Variants in GARIN2 observed in about 807,000 individuals in gnomAD.
The protein encoded by GARIN2 is Golgi-associated RAB2 interactor protein 2.
At chr14:67,199,017 A>G in the GARIN2 span, 1 of 712,184 alleles carries the variant, frequency 1.4e-6, no homozygotes, top group East Asian at 2.7e-5. Flanking sequence ...GGAGGACAAC[A>G]GACACTTCAA....
the GARIN2 span, among the ~76,000 whole-genome samples, chr14:67,207,582 G>A: frequency 6.6e-6 from 1 of 152,086 alleles, no homozygotes; most frequent in Non-Finnish European, 1.5e-5. Context: ...AGGGGCAGTG[G>A]AAAGAAGAAG....
chr14:67,201,492 A>G, the GARIN2 span: 1 of 456,024 alleles, frequency 2.2e-6, no homozygotes, highest in African/African-American at 2.0e-5. Context: ...AGTAGAAGAT[A>G]TTCATCTCAT....
the GARIN2 span, chr14:67,196,984 A>G: frequency 6.6e-6 from 1 of 152,014 alleles, no homozygotes; most frequent in Non-Finnish European, 1.5e-5. Flanking sequence ...GCTGGAGTGC[A>G]GTGACAAGAT....
At chr14:67,191,631 C>T in the GARIN2 span, among the ~76,000 whole-genome samples, 1 of 152,172 alleles carries the variant, frequency 6.6e-6, no homozygotes. Flanking sequence ...ATCCCATATC[C>T]GTATCTAAGA....
chr14:67,213,420 T>C, the GARIN2 span, among the ~76,000 whole-genome samples: 11 of 144,016 alleles, frequency 7.6e-5, no homozygotes, highest in African/African-American at 2.8e-4. Flanking sequence ...CGGTGTTTGG[T>C]TTTTTGTTCT....
At chr14:67,203,392 G>A in the GARIN2 span, 4 of 990,196 alleles carry the variant, frequency 4.0e-6, no homozygotes, top group Non-Finnish European at 5.8e-6. Flanking sequence ...CGCCAGTGGA[G>A]CATGTTACTC....
the GARIN2 span, chr14:67,200,295 C>T: frequency 2.5e-5 from 17 of 689,862 alleles, no homozygotes; most frequent in Admixed American, 6.0e-5. Context: ...AGTTGCCCCT[C>T]GAGGCCCGCT....
the GARIN2 span, chr14:67,221,627 A>T: frequency 7.9e-6 from 5 of 632,948 alleles, no homozygotes; most frequent in African/African-American, 7.9e-5. Flanking sequence ...CATATGTTCT[A>T]TAATCAGCAA....
the GARIN2 span, among the ~76,000 whole-genome samples, chr14:67,193,370 TATATATCTAG>T: frequency 0.015 from 2,090 of 139,540 alleles, 31 homozygotes; most frequent in Non-Finnish European, 0.023. Context: ...ATAATCTATC[TATATATCTAG>T]ATATATCTAG....
At chr14:67,209,835 A>G in the GARIN2 span, among the ~76,000 whole-genome samples, 11 of 151,700 alleles carry the variant, frequency 7.3e-5, no homozygotes, top group Non-Finnish European at 1.0e-4. Flanking sequence ...AAAAAAAAAA[A>G]AAAGAAACGA....
the GARIN2 span, chr14:67,198,260 G>A: frequency 1.9e-6 from 3 of 1,613,852 alleles, no homozygotes; most frequent in South Asian, 2.2e-5. Context: ...AAAATATGTT[G>A]GATGGAGGAG....
chr14:67,221,613 T>A, the GARIN2 span: 1 of 529,966 alleles, frequency 1.9e-6, no homozygotes, highest in Non-Finnish European at 2.4e-6. Context: ...GGTAATTTTA[T>A]TCTCATATGT....
chr14:67,199,879 G>C, the GARIN2 span: 1 of 1,491,706 alleles, frequency 6.7e-7, no homozygotes, highest in African/African-American at 1.4e-5. Context: ...TGCAGGACAT[G>C]GCCCCCCATC....
the GARIN2 span, chr14:67,204,713 C>T: frequency 6.2e-7 from 1 of 1,613,912 alleles, no homozygotes; most frequent in Non-Finnish European, 8.5e-7. Flanking sequence ...CAGGAGAAAG[C>T]CAAAGTTTCC....
the GARIN2 span, chr14:67,227,824 G>A: frequency 6.6e-6 from 1 of 152,060 alleles, no homozygotes; most frequent in Non-Finnish European, 1.5e-5. Context: ...ATCCTGAATG[G>A]ACAGGTTTTT....
At chr14:67,203,912 A>T in the GARIN2 span, among the ~76,000 whole-genome samples, 2 of 152,170 alleles carry the variant, frequency 1.3e-5, no homozygotes, top group Non-Finnish European at 2.9e-5. Context: ...GAGTTTCACC[A>T]TATTGGTCAG....
At chr14:67,210,356 C>G in the GARIN2 span, among the ~76,000 whole-genome samples, 2 of 151,746 alleles carry the variant, frequency 1.3e-5, 1 homozygote, top group South Asian at 4.2e-4. Context: ...GAGGCTGAGG[C>G]AGGAGGACTG....
At chr14:67,216,302 T>G in the GARIN2 span, among the ~76,000 whole-genome samples, 2 of 152,194 alleles carry the variant, frequency 1.3e-5, no homozygotes, top group African/African-American at 4.8e-5. Context: ...TTTTTTGTCA[T>G]GTCCTTGTCT....
the GARIN2 span, among the ~76,000 whole-genome samples, chr14:67,215,457 G>A: frequency 6.6e-6 from 1 of 151,360 alleles, no homozygotes; most frequent in Non-Finnish European, 1.5e-5. Context: ...AGTAAACAAT[G>A]ACAGAAGGGC....
Sources: allele counts gnomAD v4.1 joint callset (sites outside exome capture counted in the v4.1 genomes callset), GRCh38; gene constraint gnomAD v4.1.1; transcripts MANE v1.5; gene names NCBI Gene and HGNC (gene_info 2026-07-23, HGNC 2026-07-21).